Variants in ZNF84 observed in about 807,000 individuals in gnomAD.
ZNF84 encodes zinc finger protein HPF2.
A neutral mutation model predicts 14.8 loss-of-function variants in ZNF84; 12 were observed. That is an observed-to-expected ratio of 0.81 (90% CI 0.52 to 1.31). The LOEUF (loss-of-function observed/expected upper bound fraction) is 1.31. ZNF84 is among the 50% of genes most tolerant of loss of function. The pLI is 0.00. For synonymous variants in ZNF84, 347 were observed against 291.1 expected, an observed-to-expected ratio of 1.19 and a Z score of -1.96; for missense variants, 859 against 878.6, an observed-to-expected ratio of 0.98 and a Z score of 0.28.
At chr12:133,040,652 G>T (rs1284368224) in intron 1 of ZNF84, 2 of 151,514 alleles carry the variant, frequency 1.3e-5, no homozygotes, top group Non-Finnish European at 2.9e-5. Flanking sequence ...AAGCATTATT[G>T]GGGGTATGAA....
Position 133,048,863 on chromosome 12 carries a change from A to C in ZNF84, c.238+15A>C. 1.9e-6 allele frequency: 3 copies of C among 1,604,712 alleles called. No individual in the cohort carries two copies. ...AGATTCTCCAGGTGAGTGTATGAGA[A>C]CCAGGCAGATGGGAGAGAGCAGAAG... On this transcript the variant is annotated intron_variant, in intron 4 of 4. Transcript: ENST00000539354.
chr12:133,044,490 C>G (rs1449656274), intron 2 of ZNF84, among the ~76,000 whole-genome samples: 4 of 152,304 alleles, frequency 2.6e-5, no homozygotes, highest in African/African-American at 9.6e-5. Flanking sequence ...AGAATCACCA[C>G]TAAAACTACA....
chr12:133,041,115 C>T (rs10781676), intron 1 of ZNF84, 163 bp from the exon 2 acceptor site: 151,245 of 295,844 alleles, frequency 0.51, 41,514 homozygotes, highest in East Asian at 0.79. Flanking sequence ...TAGGCTTCCA[C>T]TGTTCCATTT....
At position 133,061,780 on chromosome 12, in the gene ZNF84, T is replaced by C. The variant is rs979792429; in HGVS notation, c.*2848T>C. On this transcript the variant is annotated 3_prime_UTR_variant, in exon 5 of 5. Transcript: ENST00000539354. ...ATTTTTTTCTAAATGTCAGGTGTTA[T>C]GGGGAGGATTGATGCTGACAGCAGA... 1.3e-5 allele frequency: 2 copies of C among 152,164 alleles called. No individual in the cohort carries two copies. Among genetic ancestry groups the C allele is most frequent in the African/African-American group, 4.8e-5 (2 of 41,438 alleles). 9.4% of individuals were successfully genotyped at this position (152,164 alleles called of 1,614,324 possible). A position where few individuals can be genotyped will look rare whatever the true frequency, so the allele number is the denominator to read the frequency against.
At chr12:133,056,886 A>AGTTTTGTTTT in intron 4 of ZNF84, 68 bp from the exon 5 acceptor site, 1 of 1,370,968 alleles carries the variant, frequency 7.3e-7, no homozygotes, top group Non-Finnish European at 9.9e-7. Context: ...TAGCATTTCT[A>AGTTTTGTTTT]GTTTTGTTTT....
At chr12:133,055,304 A>G (rs1954134917) in intron 4 of ZNF84, among the ~76,000 whole-genome samples, 4 of 152,216 alleles carry the variant, frequency 2.6e-5, no homozygotes, top group Admixed American at 6.5e-5. Flanking sequence ...TTGTTTCATT[A>G]TATATATAAT....
At chr12:133,049,639 C>A (rs1399179868) in intron 4 of ZNF84, among the ~76,000 whole-genome samples, 1 of 151,860 alleles carries the variant, frequency 6.6e-6, no homozygotes, top group Non-Finnish European at 1.5e-5. Flanking sequence ...GCCACCATGC[C>A]CGGCTAATTT....
chr12:133,053,042 T>C (rs2137396208), intron 4 of ZNF84, among the ~76,000 whole-genome samples: 1 of 152,232 alleles, frequency 6.6e-6, no homozygotes, highest in East Asian at 1.9e-4. Flanking sequence ...TATAATTGAG[T>C]CAAGAAATTT....
At chr12:133,048,904 T>A in intron 4 of ZNF84, 56 bp downstream of exon 4, 1 of 1,452,516 alleles carries the variant, frequency 6.9e-7, no homozygotes, top group Non-Finnish European at 9.6e-7. Flanking sequence ...TGTCATCTGG[T>A]CAGTGACGGG....
chr12:133,044,005 A>G (rs969005442), intron 2 of ZNF84, among the ~76,000 whole-genome samples: 1 of 148,078 alleles, frequency 6.8e-6, no homozygotes, highest in Admixed American at 6.7e-5. Flanking sequence ...CTTGTGATCC[A>G]CCCGCCTCGG....
At chr12:133,038,459 G>A (rs1953827733) in intron 1 of ZNF84, among the ~76,000 whole-genome samples, 1 of 151,506 alleles carries the variant, frequency 6.6e-6, no homozygotes, top group Admixed American at 6.6e-5. Flanking sequence ...TACTCTGTAG[G>A]TTGAGGTAGG....
chr12:133,049,401 C>T (rs1273962318), intron 4 of ZNF84, among the ~76,000 whole-genome samples: 1 of 152,128 alleles, frequency 6.6e-6, no homozygotes, highest in African/African-American at 2.4e-5. Context: ...TTATCCTTAT[C>T]CTCCCTTTTA....
Position 133,061,732 on chromosome 12 carries a change from C to T in ZNF84, c.*2800C>T, listed in dbSNP as rs1180162297. The T allele has an allele frequency of 6.6e-6, 1 of 152,072 alleles. No individual in the cohort carries two copies. The highest frequency in any genetic ancestry group is 1.5e-5 in the Non-Finnish European group (1 of 68,014). The allele number at this position is 152,072 out of a possible 1,614,324, so 9.4% of individuals were successfully genotyped here. On this transcript the variant is annotated 3_prime_UTR_variant, in exon 5 of 5. Transcript: ENST00000539354. ...TAGATAATGGAACTTCAACATTAGC[C>T]TATTGATTGCCCAAGAACAAACATT...
At chr12:133,047,125 T>G (rs1240454324) in intron 2 of ZNF84, among the ~76,000 whole-genome samples, 6 of 151,706 alleles carry the variant, frequency 4.0e-5, no homozygotes, top group African/African-American at 1.5e-4. Flanking sequence ...TGCTACTACC[T>G]CTTCCAGTGC....
Position 133,057,104 on chromosome 12 carries a change from GTGACTTAGA to G in ZNF84, c.392_400del (p.Asp131_Asp133del). 6.2e-7 allele frequency: 1 copy of G among 1,613,222 alleles called. No individual in the cohort carries two copies. Among genetic ancestry groups the G allele is most frequent in the Non-Finnish European group, 8.5e-7 (1 of 1,179,820 alleles). ...CCTTTAAGGAAATCAAACAGTGAAG[GTGACTTAGA>G]TGGATTGATTTTAAAACATCATTTA... is the stretch of plus-strand genomic sequence containing the variant. On this transcript the variant is annotated inframe_deletion, in exon 5 of 5. Transcript: ENST00000539354.
intron 1 of ZNF84, among the ~76,000 whole-genome samples, chr12:133,040,038 T>G (rs929843499): frequency 3.3e-5 from 5 of 152,146 alleles, no homozygotes; most frequent in Non-Finnish European, 2.9e-5. Flanking sequence ...GAGATGGGGT[T>G]TCATCATGTT....
At chr12:133,046,052 T>G (rs1444757451) in intron 2 of ZNF84, among the ~76,000 whole-genome samples, 1 of 152,032 alleles carries the variant, frequency 6.6e-6, no homozygotes, top group African/African-American at 2.4e-5. Flanking sequence ...ATTTTTTGAT[T>G]TTCTGGTGGC....
In ZNF84 at chr12:133,063,025, C is replaced by CT. The variant is rs1243639362; in HGVS notation, c.*4099dup. The CT allele has an allele frequency of 2.9e-6, 2 of 691,768 alleles. No individual in the cohort carries two copies. Among genetic ancestry groups the CT allele is most frequent in the Non-Finnish European group, 5.3e-6 (2 of 378,368 alleles). The allele number at this position is 691,768 out of a possible 1,614,324, so 42.9% of individuals were successfully genotyped here. A position where few individuals can be genotyped will look rare whatever the true frequency, so the allele number is the denominator to read the frequency against. ...AAAGCTTCTAGAAAGCTAGTACTAT[C>CT]TTTTTTGTCTGTGTAATTTTTGCAT... On this transcript the variant is annotated 3_prime_UTR_variant, in exon 5 of 5. Transcript: ENST00000539354.
chr12:133,039,852 A>ATTT (rs55688719), intron 1 of ZNF84, among the ~76,000 whole-genome samples: 2 of 142,396 alleles, frequency 1.4e-5, no homozygotes, highest in Non-Finnish European at 3.1e-5. Context: ...GTTGGTTTGG[A>ATTT]TTTTTTTTTT....
Sources: gnomAD v4.1 joint callset for allele counts (sites outside exome capture counted in the v4.1 genomes callset) on GRCh38, gnomAD v4.1.1 for gene constraint, MANE v1.5 for transcripts, NCBI Gene and HGNC (gene_info 2026-07-23, HGNC 2026-07-21) for gene names.